Variants in UNC5D observed in about 807,000 individuals in gnomAD.
The protein encoded by UNC5D is netrin receptor UNC5D.
A neutral mutation model predicts 105.4 loss-of-function variants in UNC5D; 39 were observed. The observed-to-expected ratio is 0.37, with a 90% CI of 0.29 to 0.48. UNC5D has a LOEUF of 0.48. Ranked by LOEUF, UNC5D falls within the 20% of genes least tolerant of loss-of-function variation. The pLI is 0.98. For missense variants in UNC5D, 991 were observed against 1,202.4 expected (o/e 0.82, Z 2.60); for synonymous variants, 452 against 450.4 (o/e 1.00, Z -0.04).
At chr8:35,429,198 A>G (rs1025658741) in intron 1 of UNC5D, among the ~76,000 whole-genome samples, 8 of 152,184 alleles carry the variant, frequency 5.3e-5, no homozygotes, top group Admixed American at 4.6e-4. Flanking sequence ...TTCTTTGATA[A>G]TGAAGAACTA....
chr8:35,300,146 G>A (rs1447409237), intron 1 of UNC5D, among the ~76,000 whole-genome samples: 1 of 151,784 alleles, frequency 6.6e-6, no homozygotes, highest in Non-Finnish European at 1.5e-5. Context: ...AGTTTAGCTT[G>A]GCCTTTAGGA....
intron 1 of UNC5D, among the ~76,000 whole-genome samples, chr8:35,443,964 A>C (rs1217853826): frequency 6.6e-6 from 1 of 151,984 alleles, no homozygotes; most frequent in Non-Finnish European, 1.5e-5. Context: ...TATGATATTT[A>C]TTGTAAGTGT....
intron 1 of UNC5D, among the ~76,000 whole-genome samples, chr8:35,378,418 T>C (rs1176376041): frequency 6.6e-6 from 1 of 152,150 alleles, no homozygotes; most frequent in Non-Finnish European, 1.5e-5. Context: ...TTCCGTGACA[T>C]CTATCAGGAC....
rs541536803 is a variant in UNC5D, at chr8:35,612,259, A to G, written c.570+16602A>G. 1.5e-4 allele frequency among the ~76,000 whole-genome samples: 23 copies of G among 152,356 alleles called. No homozygotes were observed. The East Asian group carries it at 4.2e-3, about 28-fold the overall frequency. On this transcript the variant is annotated intron_variant, in intron 4 of 16. Coordinates refer to ENST00000404895, the MANE Select transcript of UNC5D (RefSeq NM_080872.4). Reference sequence around the variant, plus strand: ...GGTCAAGGGTTTTTGTCAATGCAGTACAGATAAGGAGAAGGTTCTCTGCTT... The same window carrying G: ...GGTCAAGGGTTTTTGTCAATGCAGTGCAGATAAGGAGAAGGTTCTCTGCTT...
intron 11 of UNC5D, among the ~76,000 whole-genome samples, chr8:35,740,289 T>C (rs934348844): frequency 3.3e-5 from 5 of 152,194 alleles, no homozygotes; most frequent in Admixed American, 3.3e-4. Context: ...TCTCCAAGTT[T>C]ATCTAATGTA....
chr8:35,494,151 A>G (rs1357590582), intron 1 of UNC5D, among the ~76,000 whole-genome samples: 1 of 152,108 alleles, frequency 6.6e-6, no homozygotes, highest in Non-Finnish European at 1.5e-5. Context: ...CTTAAACTCT[A>G]AAGAAATATA....
chr8:35,620,392 T>C (rs903327631), intron 4 of UNC5D, among the ~76,000 whole-genome samples: 1 of 152,214 alleles, frequency 6.6e-6, no homozygotes, highest in African/African-American at 2.4e-5. Flanking sequence ...CAGGATCTTT[T>C]CATCCGTAGA....
chr8:35,555,512 G>A (rs934125753), intron 2 of UNC5D, among the ~76,000 whole-genome samples: 1 of 152,108 alleles, frequency 6.6e-6, no homozygotes, highest in African/African-American at 2.4e-5. Flanking sequence ...CACACATTAA[G>A]AAGTGTGTAC....
intron 12 of UNC5D, 66 bp from the exon 13 acceptor site, chr8:35,750,516 T>C (rs1211289875): frequency 2.0e-6 from 3 of 1,497,484 alleles, no homozygotes; most frequent in Non-Finnish European, 2.8e-6. Context: ...ATTTGTGTCC[T>C]GGCAATATAA....
chr8:35,695,538 A>AAAAAT (rs1279047295), intron 7 of UNC5D, among the ~76,000 whole-genome samples: 1 of 151,980 alleles, frequency 6.6e-6, no homozygotes, highest in African/African-American at 2.4e-5. Context: ...TCTGTCTCTT[A>AAAAAT]AAAATAAAAT....
intron 4 of UNC5D, among the ~76,000 whole-genome samples, chr8:35,622,026 G>A (rs879559459): frequency 5.3e-5 from 8 of 152,196 alleles, no homozygotes; most frequent in Non-Finnish European, 1.2e-4. Flanking sequence ...CTTGCAAAAC[G>A]CAGTTGCATG....
intron 1 of UNC5D, among the ~76,000 whole-genome samples, chr8:35,441,268 A>T (rs1252658776): frequency 1.3e-5 from 2 of 151,966 alleles, no homozygotes; most frequent in African/African-American, 4.8e-5. Context: ...TGCAGTCCAA[A>T]AATAGGTGAG....
chr8:35,714,808 T>C (rs774243221), intron 8 of UNC5D, among the ~76,000 whole-genome samples: 12 of 151,904 alleles, frequency 7.9e-5, no homozygotes, highest in Non-Finnish European at 1.6e-4. Context: ...AGTAGGGAGG[T>C]AGTTAAATAA....
At chr8:35,550,607 A>AATAGCCC (rs1265470252) in intron 2 of UNC5D, among the ~76,000 whole-genome samples, 1 of 152,236 alleles carries the variant, frequency 6.6e-6, no homozygotes, top group African/African-American at 2.4e-5. Flanking sequence ...TAGGTAAGAA[A>AATAGCCC]ATAGCCCATA....
At chr8:35,588,869 C>A (rs1818965536) in intron 3 of UNC5D, among the ~76,000 whole-genome samples, 1 of 152,082 alleles carries the variant, frequency 6.6e-6, no homozygotes. Flanking sequence ...GGCAAAACCC[C>A]GTCTCTACTA....
At chr8:35,525,863 C>T (rs1586048078) in intron 1 of UNC5D, 2 of 1,241,886 alleles carry the variant, frequency 1.6e-6, no homozygotes, top group East Asian at 5.1e-5. Context: ...TAGTAAAATC[C>T]AGTTTAGCTA....
chr8:35,745,461 A>C (rs971732809), intron 11 of UNC5D, among the ~76,000 whole-genome samples: 2 of 152,234 alleles, frequency 1.3e-5, no homozygotes, highest in South Asian at 4.1e-4. Flanking sequence ...CAAGGAGACC[A>C]GTATCATTTC....
intron 2 of UNC5D, among the ~76,000 whole-genome samples, chr8:35,557,644 C>A (rs975047439): frequency 6.6e-6 from 1 of 152,084 alleles, no homozygotes; most frequent in Non-Finnish European, 1.5e-5. Flanking sequence ...ACTTCAAATG[C>A]GTGTGAGATA....
intron 1 of UNC5D, among the ~76,000 whole-genome samples, chr8:35,480,439 G>T (rs528622432): frequency 1.4e-3 from 207 of 152,262 alleles, no homozygotes; most frequent in African/African-American, 4.8e-3. Flanking sequence ...TTGTCTTGGT[G>T]TTAACATGAC....
Sources: gnomAD v4.1 joint callset for allele counts (sites outside exome capture counted in the v4.1 genomes callset) on GRCh38, gnomAD v4.1.1 for gene constraint, MANE v1.5 for transcripts, NCBI Gene and HGNC (gene_info 2026-07-23, HGNC 2026-07-21) for gene names.